The following SLC22A25 variants were observed in gnomAD, a reference collection of about 807,000 sequenced individuals.
SLC22A25 encodes the protein solute carrier family 22 member 25, also known as MGI:2442751, MGI:2385316, MGI:3042283, MGI:3645714, MGI:3605624, MGI:2442750.
In SLC22A25, 44 loss-of-function variants were observed where a neutral mutation model predicts 45.9. That is an observed-to-expected ratio of 0.96 (90% CI 0.75 to 1.23). SLC22A25 has a LOEUF of 1.23. SLC22A25 is among the 50% of genes most tolerant of loss of function. SLC22A25 has a pLI of 0.00. For missense variants in SLC22A25, 800 were observed against 666.4 expected (o/e 1.20, Z -2.21); for synonymous variants, 283 against 238.6 (o/e 1.19, Z -1.72).
chr11:63,213,112 C>A (rs1402323055), intron 7 of SLC22A25, among the ~76,000 whole-genome samples: 1 of 152,128 alleles, frequency 6.6e-6, no homozygotes, highest in African/African-American at 2.4e-5. Context: ...CATTGCCCAC[C>A]CCAGTTACAA....
At chr11:63,198,187 C>G (rs1018780928) in intron 7 of SLC22A25, among the ~76,000 whole-genome samples, 3 of 152,170 alleles carry the variant, frequency 2.0e-5, no homozygotes, top group Non-Finnish European at 4.4e-5. Context: ...GGATCTAGAA[C>G]TAGAAATACC....
rs1247291261 is a variant in SLC22A25, at chr11:63,229,572, G to A, written c.81C>T (p.Phe27=). The change falls in exon 4 of 12, where the codon TTC becomes TTT. Residue 27 remains phenylalanine, a synonymous_variant. Transcript: ENST00000306494. ...QILQMVFLIM[F]NVIVYHQTQL... is the part of the protein sequence containing the mutation. Reference sequence around the variant, plus strand: ...GAGTTTGATGGTATACTATGACGTTGAACATTATAAGGAAAACCATCTGAA... The same window carrying A: ...GAGTTTGATGGTATACTATGACGTTAAACATTATAAGGAAAACCATCTGAA... 5.6e-6 allele frequency: 9 copies of A among 1,614,026 alleles called. No homozygotes were observed. Among genetic ancestry groups the A allele is most frequent in the Non-Finnish European group, 7.6e-6 (9 of 1,179,950 alleles).
chr11:63,170,977 G>A (rs1339650300), intron 9 of SLC22A25, among the ~76,000 whole-genome samples: 1 of 152,120 alleles, frequency 6.6e-6, no homozygotes, highest in African/African-American at 2.4e-5. Flanking sequence ...GATTAAGTAG[G>A]CTTTATCCCT....
At chr11:63,240,741 C>G (rs1251439158) in intron 1 of SLC22A25, among the ~76,000 whole-genome samples, 1 of 152,146 alleles carries the variant, frequency 6.6e-6, no homozygotes, top group Non-Finnish European at 1.5e-5. Flanking sequence ...TCATTAATAT[C>G]ACCATTTTCC....
At chr11:63,224,801 T>C (rs1330230694) in intron 5 of SLC22A25, among the ~76,000 whole-genome samples, 2 of 76 alleles carry the variant, frequency 0.026, no homozygotes, top group Non-Finnish European at 0.045. Flanking sequence ...TATCTATATC[T>C]TGAAAAGGTT....
chr11:63,224,350 C>T (rs1234512764), intron 5 of SLC22A25, among the ~76,000 whole-genome samples: 1 of 151,938 alleles, frequency 6.6e-6, no homozygotes, highest in Non-Finnish European at 1.5e-5. Flanking sequence ...TTCTTGTAGG[C>T]AACAGATCAT....
rs1280461171 is a variant in SLC22A25 at position 63,213,361 on chromosome 11, T to C, written c.830+3953A>G. Among the ~76,000 whole-genome samples the C allele has an allele frequency of 2.0e-5, 3 of 152,156 alleles. No homozygotes were observed. In the South Asian group the frequency reaches 6.2e-4, roughly 32 times the overall value. ...GCCCTTCTTTTTGTATGTGGATGAATGAAAGGGAATGGCAGTGGGAGTCTT... is the reference window on the plus strand; with the variant it reads ...GCCCTTCTTTTTGTATGTGGATGAACGAAAGGGAATGGCAGTGGGAGTCTT... On this transcript the variant is annotated intron_variant, in intron 7 of 11. Coordinates refer to ENST00000306494, the MANE Select transcript of SLC22A25 (RefSeq NM_199352.6).
At chr11:63,208,337 G>T (rs1213553259) in intron 7 of SLC22A25, 1 of 152,320 alleles carries the variant, frequency 6.6e-6, no homozygotes, top group East Asian at 1.9e-4. Context: ...GGACAAAGGG[G>T]AGCTTCATCA....
chr11:63,212,379 G>A (rs2089593585), intron 7 of SLC22A25, among the ~76,000 whole-genome samples: 1 of 152,132 alleles, frequency 6.6e-6, no homozygotes, highest in Admixed American at 6.5e-5. Flanking sequence ...TATGTTTATT[G>A]TGGCACTATT....
intron 7 of SLC22A25, among the ~76,000 whole-genome samples, chr11:63,195,857 A>T (rs527563139): frequency 6.6e-6 from 1 of 152,192 alleles, no homozygotes; most frequent in Non-Finnish European, 1.5e-5. Flanking sequence ...GACCACTAGC[A>T]GGACTAATAA....
chr11:63,185,206 A>G (rs2088481145), intron 7 of SLC22A25, among the ~76,000 whole-genome samples: 1 of 152,126 alleles, frequency 6.6e-6, no homozygotes, highest in South Asian at 2.1e-4. Flanking sequence ...TTGCATATGT[A>G]TACATGTGCC....
intron 5 of SLC22A25, among the ~76,000 whole-genome samples, chr11:63,226,816 A>G (rs907608757): frequency 1.3e-5 from 2 of 152,204 alleles, no homozygotes; most frequent in Non-Finnish European, 2.9e-5. Context: ...AAATCTACCC[A>G]TCATTCTATT....
rs756632794 is a variant in SLC22A25 at position 63,217,601 on chromosome 11, A to C, written c.641T>G (p.Ile214Ser). 1 of 1,613,540 alleles carries C rather than the reference A, an allele frequency of 6.2e-7. No homozygotes were observed. The highest frequency in any genetic ancestry group is 8.5e-7 in the Non-Finnish European group (1 of 1,179,870). The change falls in exon 6 of 12, where the codon ATT becomes AGT. Residue 214 changes from isoleucine (I) to serine (S), a missense_variant. Transcript: ENST00000306494. The part of the protein sequence containing the change: ...FLAGAATFSI[I>S]VNTVLLIVEW... The stretch of plus-strand genomic sequence containing the variant: ...CTTACTTAACAAAACAGTATTTACA[A>C]TGATGCTAAATGTAGCAGCCCCAGC...
At chr11:63,237,650 C>G (rs1373514359) in intron 3 of SLC22A25, among the ~76,000 whole-genome samples, 1 of 152,160 alleles carries the variant, frequency 6.6e-6, no homozygotes, top group African/African-American at 2.4e-5. Context: ...TTCTAAATCA[C>G]ATGTTGTGGC....
intron 7 of SLC22A25, among the ~76,000 whole-genome samples, chr11:63,192,952 C>T (rs1335822608): frequency 6.6e-6 from 1 of 152,156 alleles, no homozygotes; most frequent in African/African-American, 2.4e-5. Context: ...CAAAGATATT[C>T]AGGAGCTGAC....
chr11:63,171,511 A>C (rs1485477158), intron 9 of SLC22A25, among the ~76,000 whole-genome samples: 1 of 152,212 alleles, frequency 6.6e-6, no homozygotes, highest in African/African-American at 2.4e-5. Context: ...CTATTCATCA[A>C]CAATAGACAA....
At chr11:63,200,201 A>G (rs1305716075) in intron 7 of SLC22A25, among the ~76,000 whole-genome samples, 1 of 151,654 alleles carries the variant, frequency 6.6e-6, no homozygotes, top group Non-Finnish European at 1.5e-5. Context: ...AGATACAACA[A>G]AAATAGAAAA....
chr11:63,203,612 AG>A (rs1435893523), intron 7 of SLC22A25, among the ~76,000 whole-genome samples: 1 of 152,102 alleles, frequency 6.6e-6, no homozygotes, highest in Non-Finnish European at 1.5e-5. Flanking sequence ...TAGAGAAAAA[AG>A]AATGAAAAGG....
intron 3 of SLC22A25, among the ~76,000 whole-genome samples, chr11:63,234,017 C>A (rs200773260): frequency 2.0e-5 from 3 of 152,184 alleles, no homozygotes; most frequent in African/African-American, 7.2e-5. Flanking sequence ...GTTATAATTT[C>A]TGTTCTTTTA....
Sources: gnomAD v4.1 joint callset for allele counts (sites outside exome capture counted in the v4.1 genomes callset) on GRCh38, gnomAD v4.1.1 for gene constraint, MANE v1.5 for transcripts, NCBI Gene and HGNC (gene_info 2026-07-23, HGNC 2026-07-21) for gene names.